Variants in TBL1X observed in about 807,000 individuals in gnomAD.
TBL1X encodes transducin beta like 1 X-linked.
In TBL1X, 10 loss-of-function variants were observed where a neutral mutation model predicts 50.7. The observed-to-expected ratio is 0.20, with a 90% CI of 0.12 to 0.33. TBL1X has a LOEUF of 0.33. TBL1X is among the 10% of genes least tolerant of loss of function. The pLI is 1.00. For synonymous variants in TBL1X, 190 were observed against 214.7 expected, an observed-to-expected ratio of 0.88 and a Z score of 1.01; for missense variants, 340 against 504.4, an observed-to-expected ratio of 0.67 and a Z score of 3.12.
chrX:9,519,615 C>G (rs567191946), intron 2 of TBL1X, among the ~76,000 whole-genome samples: 1 of 112,099 alleles, frequency 8.9e-6, no homozygotes, highest in Middle Eastern at 4.6e-3. Context: ...TTTCTTCTCT[C>G]AACATGTTTT....
At chrX:9,522,558 C>T (rs1358976261) in intron 2 of TBL1X, among the ~76,000 whole-genome samples, 2 of 111,703 alleles carry the variant, frequency 1.8e-5, no homozygotes, top group African/African-American at 3.3e-5. Context: ...CCCGTGCTCA[C>T]GTATCCCACA....
At chrX:9,574,856 C>T (rs2082403092) in intron 2 of TBL1X, among the ~76,000 whole-genome samples, 1 of 111,932 alleles carries the variant, frequency 8.9e-6, no homozygotes, top group Non-Finnish European at 1.9e-5. Context: ...AGCAGTTTTT[C>T]AGCTTTACTG....
chrX:9,474,095 G>T, intron 1 of TBL1X, among the ~76,000 whole-genome samples: 1 of 112,774 alleles, frequency 8.9e-6, no homozygotes, highest in East Asian at 2.8e-4. Context: ...TCTGGCAGGT[G>T]CACAGCAAGA....
chrX:9,479,165 A>G (rs906349313), intron 1 of TBL1X, among the ~76,000 whole-genome samples: 2 of 113,217 alleles, frequency 1.8e-5, no homozygotes, highest in African/African-American at 6.4e-5. Context: ...ACAGCTCTAA[A>G]TAATTGGCGT....
intron 1 of TBL1X, among the ~76,000 whole-genome samples, chrX:9,468,778 GGAGA>G (rs1020855584): frequency 1.8e-5 from 2 of 110,354 alleles, no homozygotes; most frequent in South Asian, 7.7e-4. Flanking sequence ...TCGGGTAGAG[GGAGA>G]GAGAGATTTC....
intron 2 of TBL1X, among the ~76,000 whole-genome samples, chrX:9,571,007 T>C (rs1359598753): frequency 8.9e-6 from 1 of 112,464 alleles, no homozygotes; most frequent in Non-Finnish European, 1.9e-5. Context: ...ATTATAATTA[T>C]GAATTTGGAA....
At chrX:9,570,581 C>G (rs1327387612) in intron 2 of TBL1X, among the ~76,000 whole-genome samples, 1 of 111,583 alleles carries the variant, frequency 9.0e-6, no homozygotes, top group Non-Finnish European at 1.9e-5. Context: ...TGCTTCACTC[C>G]CTCTGGCTCT....
intron 2 of TBL1X, among the ~76,000 whole-genome samples, chrX:9,618,363 C>T (rs886864609): frequency 9.0e-6 from 1 of 111,652 alleles, no homozygotes; most frequent in African/African-American, 3.3e-5. Flanking sequence ...ATGAAAGGAT[C>T]AGTATTAGGT....
chrX:9,572,137 CAT>C (rs1351898687), intron 2 of TBL1X, among the ~76,000 whole-genome samples: 1 of 112,182 alleles, frequency 8.9e-6, no homozygotes, highest in African/African-American at 3.2e-5. Context: ...CAGCTTTCCT[CAT>C]GTGCCCTTTC....
At chrX:9,528,782 A>G (rs2082145448) in intron 2 of TBL1X, among the ~76,000 whole-genome samples, 1 of 108,797 alleles carries the variant, frequency 9.2e-6, no homozygotes, top group African/African-American at 3.4e-5. Context: ...CTTTAGCTGA[A>G]CCCATGGGTG....
intron 2 of TBL1X, among the ~76,000 whole-genome samples, chrX:9,511,783 A>G (rs1322204882): frequency 1.8e-5 from 2 of 112,724 alleles, no homozygotes; most frequent in Non-Finnish European, 3.7e-5. Flanking sequence ...TTGAAAGGCC[A>G]AAACCGATGG....
intron 5 of TBL1X, among the ~76,000 whole-genome samples, chrX:9,665,489 CTATA>C (rs56756151): frequency 0.018 from 356 of 19,680 alleles, 4 homozygotes; most frequent in Middle Eastern, 0.038. Flanking sequence ...GATATTCAAG[CTATA>C]TATATATATA....
intron 12 of TBL1X, among the ~76,000 whole-genome samples, chrX:9,700,087 C>T (rs1489306510): frequency 8.9e-6 from 1 of 112,319 alleles, no homozygotes. Flanking sequence ...CCATGCCAGA[C>T]ACTTGCTACT....
rs1281989991 is a variant in TBL1X, at chrX:9,717,742, C to T, written c.*1496C>T. On this transcript the variant is annotated 3_prime_UTR_variant, in exon 18 of 18. Coordinates refer to ENST00000645353, the MANE Select transcript of TBL1X (RefSeq NM_005647.4). ...GCTTGGCGAGTCCTTGCAGAGCTGA[C>T]ATAGAGGCGCCCGCATGTCACTTAG... 1 of 112,082 alleles carries T rather than the reference C, an allele frequency of 8.9e-6. No individual in the cohort carries two copies. The highest frequency in any genetic ancestry group is 1.9e-5 in the Non-Finnish European group (1 of 53,230). The allele number at this position is 112,082 out of a possible 1,213,427, so 9.2% of individuals were successfully genotyped here. A position where few individuals can be genotyped will look rare whatever the true frequency, so the allele number is the denominator to read the frequency against.
intron 2 of TBL1X, among the ~76,000 whole-genome samples, chrX:9,574,123 C>T (rs1321126622): frequency 9.0e-6 from 1 of 110,807 alleles, no homozygotes; most frequent in Non-Finnish European, 1.9e-5. Context: ...CTGGAAAGTG[C>T]CTGGACCTCT....
intron 7 of TBL1X, among the ~76,000 whole-genome samples, chrX:9,691,087 G>A (rs190843680): frequency 1.4e-4 from 16 of 111,672 alleles, no homozygotes; most frequent in Admixed American, 2.9e-4. Flanking sequence ...CTGTCAAAAT[G>A]TAAAGAAACC....
At chrX:9,646,727 C>T (rs749877523) in intron 3 of TBL1X, among the ~76,000 whole-genome samples, 32 of 112,339 alleles carry the variant, frequency 2.8e-4, no homozygotes, top group African/African-American at 1.0e-3. Flanking sequence ...TAATGACACT[C>T]ACTTTCTCAG....
At chrX:9,691,265 G>A (rs1361049119) in intron 7 of TBL1X, among the ~76,000 whole-genome samples, 5 of 109,402 alleles carry the variant, frequency 4.6e-5, no homozygotes, top group African/African-American at 1.0e-4. Context: ...GTGAAACCCC[G>A]CCTCTACTAA....
chrX:9,594,289 A>G (rs1413409540), intron 2 of TBL1X, among the ~76,000 whole-genome samples: 1 of 112,511 alleles, frequency 8.9e-6, no homozygotes, highest in Non-Finnish European at 1.9e-5. Context: ...AGTGCATGAT[A>G]TTGTAGTAAC....
Sources: gnomAD v4.1 joint callset for allele counts (sites outside exome capture counted in the v4.1 genomes callset) on GRCh38, gnomAD v4.1.1 for gene constraint, MANE v1.5 for transcripts, NCBI Gene and HGNC (gene_info 2026-07-23, HGNC 2026-07-21) for gene names.